Variants in SIK3 observed in about 807,000 individuals in gnomAD.
SIK3 encodes serine/threonine-protein kinase SIK3.
Under a neutral mutation model 144.2 loss-of-function variants are expected in SIK3, and 28 were observed. The ratio of observed to expected loss-of-function variants is 0.19; its 90% CI spans 0.14 to 0.27. SIK3 has a LOEUF of 0.27. Among genes scored for constraint, SIK3 ranks in the 10% least tolerant of loss-of-function variants. The pLI is 1.00. For synonymous variants in SIK3, 686 were observed against 676.3 expected (o/e 1.01, Z -0.22); for missense variants, 1,319 against 1,776.0 (o/e 0.74, Z 4.62).
At chr11:117,048,385 G>A (rs1301476116) in intron 1 of SIK3, among the ~76,000 whole-genome samples, 5 of 152,166 alleles carry the variant, frequency 3.3e-5, no homozygotes, top group Non-Finnish European at 5.9e-5. Flanking sequence ...GGCTGGACGC[G>A]GTGGCTCACG....
chr11:117,070,036 A>C (rs1414503252), intron 1 of SIK3, among the ~76,000 whole-genome samples: 5 of 152,216 alleles, frequency 3.3e-5, no homozygotes, highest in Non-Finnish European at 5.9e-5. Flanking sequence ...TTTAAGCCCA[A>C]AAGATTACAA....
chr11:117,079,906 T>C (rs1591666792), intron 1 of SIK3, among the ~76,000 whole-genome samples: 3 of 152,150 alleles, frequency 2.0e-5, no homozygotes, highest in African/African-American at 7.2e-5. Flanking sequence ...CAGCAGCTCA[T>C]GCCTGTAATC....
chr11:117,007,681 A>G (rs1951100937), intron 1 of SIK3, among the ~76,000 whole-genome samples: 1 of 152,066 alleles, frequency 6.6e-6, no homozygotes, highest in Non-Finnish European at 1.5e-5. Flanking sequence ...TGTCATACTA[A>G]CTTTTAGATT....
intron 6 of SIK3, among the ~76,000 whole-genome samples, chr11:116,893,317 G>A (rs1348576675): frequency 6.6e-6 from 1 of 152,086 alleles, no homozygotes; most frequent in Admixed American, 6.6e-5. Context: ...GGACAGCACA[G>A]AGGGTACATG....
rs191142426 is a variant in SIK3 at position 116,901,232 on chromosome 11, T to C, written c.617-3915A>G. Among the ~76,000 whole-genome samples the C allele has an allele frequency of 9.5e-4, 145 of 152,330 alleles. 1 individual carries two copies. Among genetic ancestry groups the C allele is most frequent in the African/African-American group, 3.3e-3 (139 of 41,580 alleles). ...TCCATTAATTAGTAAATGGAGGAGA[T>C]ACCGTTTTATTTATCCTAGTCTCTA... is the stretch of plus-strand genomic sequence containing the variant. On this transcript the variant is annotated intron_variant, in intron 4 of 24. Transcript: ENST00000445177.
chr11:116,859,751 T>C (rs541677571), intron 19 of SIK3, 147 bp from the exon 20 acceptor site: 16 of 686,860 alleles, frequency 2.3e-5, no homozygotes, highest in Non-Finnish European at 3.7e-5. Context: ...TCTGGAGAAC[T>C]TGTTAAACAG....
At chr11:116,902,841 T>A (rs187192930) in intron 4 of SIK3, among the ~76,000 whole-genome samples, 1 of 152,348 alleles carries the variant, frequency 6.6e-6, no homozygotes, top group Non-Finnish European at 1.5e-5. Context: ...CTTTAATTAC[T>A]GAGCCTGCGG....
chr11:117,009,801 C>T (rs1357945925), intron 1 of SIK3, among the ~76,000 whole-genome samples: 1 of 151,990 alleles, frequency 6.6e-6, no homozygotes, highest in Non-Finnish European at 1.5e-5. Flanking sequence ...AAATTTTTAA[C>T]CAACTAAATA....
intron 3 of SIK3, among the ~76,000 whole-genome samples, chr11:116,931,694 A>G (rs1947611063): frequency 6.6e-6 from 1 of 152,210 alleles, no homozygotes; most frequent in Admixed American, 6.5e-5. Flanking sequence ...AACTAACCAC[A>G]GCTAGTAGTT....
chr11:117,007,066 C>T (rs1204282247), intron 1 of SIK3, among the ~76,000 whole-genome samples: 3 of 152,170 alleles, frequency 2.0e-5, no homozygotes, highest in African/African-American at 7.2e-5. Context: ...GTGCTTACAG[C>T]AACAGTTTTA....
chr11:116,888,020 AGAGAGCAGCTT>A, intron 6 of SIK3, among the ~76,000 whole-genome samples: 1 of 152,232 alleles, frequency 6.6e-6, no homozygotes, highest in African/African-American at 2.4e-5. Context: ...TACTGACAAT[AGAGAGCAGCTT>A]AGAATTCTTG....
At chr11:117,003,088 A>G (rs999201071) in intron 1 of SIK3, among the ~76,000 whole-genome samples, 1 of 152,210 alleles carries the variant, frequency 6.6e-6, no homozygotes, top group East Asian at 1.9e-4. Context: ...AACAAAAATG[A>G]GGTAGCTGAG....
At chr11:116,974,395 A>C (rs1247097191) in intron 1 of SIK3, among the ~76,000 whole-genome samples, 1 of 152,134 alleles carries the variant, frequency 6.6e-6, no homozygotes, top group Non-Finnish European at 1.5e-5. Context: ...CCATATAAAG[A>C]ACACTTTGGA....
intron 1 of SIK3, among the ~76,000 whole-genome samples, chr11:117,004,241 G>A (rs919164778): frequency 6.6e-6 from 1 of 152,190 alleles, no homozygotes; most frequent in Non-Finnish European, 1.5e-5. Context: ...AAGGCAGGGA[G>A]CAGTGGCTCA....
At chr11:117,054,902 C>A (rs1392476197) in intron 1 of SIK3, among the ~76,000 whole-genome samples, 1 of 151,854 alleles carries the variant, frequency 6.6e-6, no homozygotes, top group Non-Finnish European at 1.5e-5. Context: ...TTTTTCTGGG[C>A]AGAACAGGAC....
intron 1 of SIK3, among the ~76,000 whole-genome samples, chr11:116,978,443 T>C (rs1259814188): frequency 6.6e-6 from 1 of 152,130 alleles, no homozygotes; most frequent in African/African-American, 2.4e-5. Flanking sequence ...TTACCATATA[T>C]GTATCCCCAA....
At chr11:117,056,558 GATATA>G (rs1953538940) in intron 1 of SIK3, among the ~76,000 whole-genome samples, 1 of 110,172 alleles carries the variant, frequency 9.1e-6, no homozygotes, top group African/African-American at 4.7e-5. Context: ...TATAGATATA[GATATA>G]GATATAGATA....
chr11:116,988,559 T>C (rs938089587), intron 1 of SIK3, among the ~76,000 whole-genome samples: 2 of 151,994 alleles, frequency 1.3e-5, no homozygotes, highest in Non-Finnish European at 2.9e-5. Context: ...GGCAGGTGAA[T>C]TGCTTGAGCT....
intron 1 of SIK3, among the ~76,000 whole-genome samples, chr11:117,041,680 C>T (rs1447419636): frequency 1.3e-5 from 2 of 152,130 alleles, no homozygotes; most frequent in African/African-American, 4.8e-5. Flanking sequence ...CTCTGGAAGT[C>T]TAATTTTGTT....
Sources: allele counts gnomAD v4.1 joint callset (sites outside exome capture counted in the v4.1 genomes callset), GRCh38; gene constraint gnomAD v4.1.1; transcripts MANE v1.5; gene names NCBI Gene and HGNC (gene_info 2026-07-23, HGNC 2026-07-21).